The following CNTFR variants were observed in gnomAD, a reference collection of about 807,000 sequenced individuals.
The protein encoded by CNTFR is ciliary neurotrophic factor receptor subunit alpha.
In CNTFR, 12 loss-of-function variants were observed where a neutral mutation model predicts 40.4. The ratio of observed to expected loss-of-function variants is 0.30; its 90% CI spans 0.19 to 0.48. CNTFR has a LOEUF of 0.48. CNTFR is among the 20% of genes least tolerant of loss of function. The probability of loss-of-function intolerance (pLI) is 0.99; values close to 1 mark genes in which losing one functional copy is unlikely to be tolerated. For synonymous variants in CNTFR, 202 were observed against 209.6 expected, an observed-to-expected ratio of 0.96 and a Z score of 0.31; for missense variants, 414 against 506.8, an observed-to-expected ratio of 0.82 and a Z score of 1.76.
chr9:34,551,487 C>CT lies in CNTFR; in HGVS notation c.*583_*584insA. The CT allele has an allele frequency of 5.6e-6, 1 of 177,484 alleles. No homozygotes were observed. The highest frequency in any genetic ancestry group is 5.4e-5 in the Admixed American group (1 of 18,690). 11.0% of individuals were successfully genotyped at this position (177,484 alleles called of 1,614,324 possible). On this transcript the variant is annotated 3_prime_UTR_variant, in exon 10 of 10. Coordinates refer to ENST00000378980, the MANE Select transcript of CNTFR (RefSeq NM_147164.3). Reference sequence around the variant, plus strand: ...GCCCACTCCCCCCACCCTGTATATACATCTATAAAAAATTCAAATACAGCA... The same window carrying CT: ...GCCCACTCCCCCCACCCTGTATATACTATCTATAAAAAATTCAAATACAGCA...
Position 34,566,226 on chromosome 9 carries a change from G to A in CNTFR, c.86-1394C>T, listed in dbSNP as rs147923578. On this transcript the variant is annotated intron_variant, in intron 3 of 9. Coordinates refer to ENST00000378980, the MANE Select transcript of CNTFR (RefSeq NM_147164.3). ...TCTGTCCCGGTTTGCTGCCTCTGTC[G>A]TCCTCGCTGTGCCAGGGTCTCTCTG... Among the ~76,000 whole-genome samples the A allele has an allele frequency of 2.9e-3, 436 of 152,090 alleles. 3 individuals carry two copies. Among genetic ancestry groups the A allele is most frequent in the African/African-American group, 9.0e-3 (375 of 41,478 alleles).
At position 34,551,639 on chromosome 9, in the gene CNTFR, G is replaced by T; in HGVS notation, c.*432C>A. The T allele has an allele frequency of 3.0e-6, 1 of 332,774 alleles. No homozygotes were observed. Among genetic ancestry groups the T allele is most frequent in the East Asian group, 8.6e-5 (1 of 11,678 alleles). The allele number at this position is 332,774 out of a possible 1,614,324, so 20.6% of individuals were successfully genotyped here. A position where few individuals can be genotyped will look rare whatever the true frequency, so the allele number is the denominator to read the frequency against. On this transcript the variant is annotated 3_prime_UTR_variant, in exon 10 of 10. Transcript: ENST00000378980. ...GGGACTGAAAATTGTGGGTGCTGGG[G>T]GGAGGGGGATGGCTGGGCCCCCCCA...
At chr9:34,560,811 G>A (rs1587129048) in intron 4 of CNTFR, among the ~76,000 whole-genome samples, 1 of 152,226 alleles carries the variant, frequency 6.6e-6, no homozygotes, top group South Asian at 2.1e-4. Flanking sequence ...GGCTGTGTGC[G>A]CGTGTGTATG....
intron 1 of CNTFR, among the ~76,000 whole-genome samples, chr9:34,585,517 G>A (rs768941242): frequency 2.0e-5 from 3 of 152,152 alleles, no homozygotes; most frequent in African/African-American, 4.8e-5. Flanking sequence ...CTTCCTCAAC[G>A]CCTGCTCCAG....
chr9:34,558,013 A>C (rs867509484), intron 4 of CNTFR, 29 bp from the exon 5 acceptor site: 1 of 1,473,946 alleles, frequency 6.8e-7, no homozygotes. Flanking sequence ...TGGTCAGGGC[A>C]TTCTTGGAGC....
chr9:34,564,470 G>T (rs1168141273), intron 4 of CNTFR, 129 bp downstream of exon 4: 4 of 888,604 alleles, frequency 4.5e-6, no homozygotes, highest in Non-Finnish European at 7.1e-6. Context: ...GACAAAATCA[G>T]AGGGCAAGGG....
intron 1 of CNTFR, among the ~76,000 whole-genome samples, chr9:34,586,895 GC>G (rs1288775394): frequency 3.3e-5 from 5 of 152,182 alleles, no homozygotes; most frequent in African/African-American, 1.2e-4. Context: ...CACTTCAAGT[GC>G]CCCGATACTC....
chr9:34,576,584 T>C (rs72737103), intron 2 of CNTFR, among the ~76,000 whole-genome samples: 6,260 of 152,276 alleles, frequency 0.041, 207 homozygotes, highest in South Asian at 0.064. Flanking sequence ...CGTTGGTCCC[T>C]AAAAAGTGAG....
intron 1 of CNTFR, among the ~76,000 whole-genome samples, chr9:34,583,730 A>G (rs531036356): frequency 6.6e-5 from 10 of 152,100 alleles, no homozygotes; most frequent in Non-Finnish European, 1.3e-4. Context: ...AGCCCCCAAT[A>G]TTGATTCCAT....
chr9:34,588,435 G>A (rs1409922498), intron 1 of CNTFR, among the ~76,000 whole-genome samples: 1 of 151,986 alleles, frequency 6.6e-6, no homozygotes, highest in Non-Finnish European at 1.5e-5. Context: ...TTTCACACTC[G>A]CACCACCTCA....
intron 2 of CNTFR, among the ~76,000 whole-genome samples, chr9:34,575,205 T>A (rs1329544132): frequency 6.6e-6 from 1 of 151,822 alleles, no homozygotes; most frequent in Non-Finnish European, 1.5e-5. Flanking sequence ...TGGTGCCAAA[T>A]CCCCCAGCCC....
chr9:34,558,207 C>A (rs528203869), intron 4 of CNTFR, among the ~76,000 whole-genome samples: 16 of 152,214 alleles, frequency 1.1e-4, no homozygotes, highest in African/African-American at 3.9e-4. Context: ...CGGAACCCCC[C>A]CTCCACCTGC....
rs1052339198 is a variant in CNTFR, at chr9:34,557,198, G to C, written c.604+328C>G. ...GTAAGGAAGCCATTAGAGTTGGGGGGGGGTGCGGTGGAGGCTGCAGCTGCA... is the reference window on the plus strand; with the variant it reads ...GTAAGGAAGCCATTAGAGTTGGGGGCGGGTGCGGTGGAGGCTGCAGCTGCA... On this transcript the variant is annotated intron_variant, in intron 6 of 9. Transcript: ENST00000378980. The surrounding 1 kb of genome is among the most constrained non-coding windows in gnomAD (Gnocchi z 4.2). 5.3e-5 allele frequency among the ~76,000 whole-genome samples: 8 copies of C among 151,354 alleles called. No homozygotes were observed. Among genetic ancestry groups the C allele is most frequent in the Non-Finnish European group, 8.9e-5 (6 of 67,744 alleles).
chr9:34,556,507 T>G (rs1009015994), intron 6 of CNTFR, 89 bp from the exon 7 acceptor site: 2 of 1,275,864 alleles, frequency 1.6e-6, no homozygotes, highest in African/African-American at 3.0e-5. Context: ...CCCTCTCATA[T>G]TGCCAACCAT....
intron 7 of CNTFR, among the ~76,000 whole-genome samples, chr9:34,555,447 T>C (rs12554080): frequency 0.11 from 17,323 of 151,952 alleles, 1,225 homozygotes; most frequent in Middle Eastern, 0.18. Flanking sequence ...GCCTCATGGG[T>C]CACACAGAGT....
At chr9:34,574,474 G>A (rs968271271) in intron 2 of CNTFR, among the ~76,000 whole-genome samples, 13 of 152,136 alleles carry the variant, frequency 8.5e-5, no homozygotes, top group Middle Eastern at 3.2e-3. Context: ...CCCCACCCAC[G>A]CCAAGGGCAA....
intron 2 of CNTFR, among the ~76,000 whole-genome samples, chr9:34,574,009 C>T (rs371817482): frequency 6.6e-6 from 1 of 152,024 alleles, no homozygotes; most frequent in South Asian, 2.1e-4. Context: ...TCAGGGCAGG[C>T]GGGAAGCTCC....
At chr9:34,578,869 G>T (rs147318395) in intron 2 of CNTFR, among the ~76,000 whole-genome samples, 2 of 152,342 alleles carry the variant, frequency 1.3e-5, no homozygotes, top group East Asian at 3.9e-4. Context: ...GAATGACAGT[G>T]CAATGCCACC....
intron 2 of CNTFR, among the ~76,000 whole-genome samples, chr9:34,577,594 G>C (rs897458092): frequency 6.6e-6 from 1 of 152,128 alleles, no homozygotes; most frequent in Non-Finnish European, 1.5e-5. Flanking sequence ...AAGATATCAG[G>C]AGCTCATCCC....
Sources: allele counts gnomAD v4.1 joint callset (sites outside exome capture counted in the v4.1 genomes callset), GRCh38; gene constraint gnomAD v4.1.1; non-coding constraint Gnocchi (gnomAD v3.1); transcripts MANE v1.5; gene names NCBI Gene and HGNC (gene_info 2026-07-23, HGNC 2026-07-21).